The following ARHGAP42 variants were observed in gnomAD, a reference collection of about 807,000 sequenced individuals.
ARHGAP42 encodes Rho GTPase activating protein 42.
In ARHGAP42, 63 loss-of-function variants were observed where a neutral mutation model predicts 125.0. The observed-to-expected ratio is 0.50, with a 90% CI of 0.41 to 0.62. The LOEUF is 0.62. Among genes scored for constraint, ARHGAP42 ranks in the 20% least tolerant of loss-of-function variants. The pLI, the probability that ARHGAP42 is intolerant of heterozygous loss-of-function variation, is 0.00. For missense variants in ARHGAP42, 766 were observed against 1,024.2 expected (o/e 0.75, Z 3.44); for synonymous variants, 339 against 351.0 (o/e 0.97, Z 0.38).
chr11:100,973,239 A>G lies in ARHGAP42; in HGVS notation c.1615A>G (p.Thr539Ala). The change falls in exon 18 of 24, where the codon ACT (threonine) becomes GCT (alanine). Residue 539 changes from threonine to alanine, a missense_variant. Thr to Ala is a moderately conservative substitution (Grantham distance 58). This residue lies in a region of ARHGAP42 where 455 missense variants were observed against 636.5 expected (regional missense o/e 0.71). Transcript: ENST00000298815. Reference protein sequence around the residue: ...VSNLGVIFGPTLMRAQEETVA... With the variant: ...VSNLGVIFGPALMRAQEETVA... ...AAATCTTGGTGTCATATTTGGCCCA[A>G]CTCTAATGAGAGCACAGGAAGAAAC... 6.4e-7 allele frequency: 1 copy of G among 1,551,260 alleles called. No individual in the cohort carries two copies. The highest frequency in any genetic ancestry group is 8.7e-7 in the Non-Finnish European group (1 of 1,146,700).
At chr11:100,694,024 C>T (rs1247214083) in intron 1 of ARHGAP42, among the ~76,000 whole-genome samples, 1 of 151,858 alleles carries the variant, frequency 6.6e-6, no homozygotes, top group African/African-American at 2.4e-5. Context: ...CTCTGCCTCC[C>T]CGGTTCAAGC....
intron 1 of ARHGAP42, among the ~76,000 whole-genome samples, chr11:100,708,300 C>T (rs927631316): frequency 6.6e-5 from 10 of 151,990 alleles, no homozygotes; most frequent in Non-Finnish European, 1.5e-4. Flanking sequence ...TTGTTTGAAC[C>T]CAGGGGTTGG....
chr11:100,883,371 G>A (rs1012048894), intron 4 of ARHGAP42, among the ~76,000 whole-genome samples: 1 of 152,142 alleles, frequency 6.6e-6, no homozygotes, highest in African/African-American at 2.4e-5. Flanking sequence ...ACAGAGTCTT[G>A]CTCTTGTTGC....
intron 3 of ARHGAP42, among the ~76,000 whole-genome samples, chr11:100,801,834 C>A (rs1365047337): frequency 6.6e-6 from 1 of 152,208 alleles, no homozygotes; most frequent in African/African-American, 2.4e-5. Context: ...AGGCAGAGAT[C>A]AGCATTTTAA....
intron 8 of ARHGAP42, among the ~76,000 whole-genome samples, chr11:100,937,109 G>A (rs1867757948): frequency 6.6e-6 from 1 of 152,188 alleles, no homozygotes; most frequent in South Asian, 2.1e-4. Context: ...ATTTGTTGGA[G>A]AGCAGGACAC....
intron 1 of ARHGAP42, among the ~76,000 whole-genome samples, chr11:100,765,650 C>G (rs1862812625): frequency 6.6e-6 from 1 of 152,208 alleles, no homozygotes; most frequent in African/African-American, 2.4e-5. Context: ...ACATGCCTCA[C>G]ACCCCTACTG....
rs142580621 is a variant in ARHGAP42, at chr11:100,957,057, C to G, written c.1163-2826C>G. ...GCACTTACTATATTCTAAGCATACA[C>G]TATTCTAGGAGCTTTGCAAATGTTA... On this transcript the variant is annotated intron_variant, in intron 12 of 23. Transcript: ENST00000298815. Among the ~76,000 whole-genome samples the G allele has an allele frequency of 1.4e-4, 21 of 152,198 alleles. No individual in the cohort carries two copies. In the East Asian group the frequency reaches 2.9e-3, roughly 21 times the overall value.
chr11:100,742,391 G>A (rs1475525709), intron 1 of ARHGAP42, among the ~76,000 whole-genome samples: 4 of 152,164 alleles, frequency 2.6e-5, no homozygotes, highest in African/African-American at 7.2e-5. Context: ...CAGTGCAGGA[G>A]TAGTGTGTGT....
chr11:100,827,920 G>A (rs529382792), intron 3 of ARHGAP42, among the ~76,000 whole-genome samples: 1 of 152,152 alleles, frequency 6.6e-6, no homozygotes, highest in Non-Finnish European at 1.5e-5. Context: ...CAAAACATAG[G>A]TTCTCTCCTT....
At chr11:100,884,443 C>T (rs1195624184) in intron 4 of ARHGAP42, among the ~76,000 whole-genome samples, 2 of 152,020 alleles carry the variant, frequency 1.3e-5, no homozygotes, top group African/African-American at 4.8e-5. Context: ...TGGGGGCGAA[C>T]ACTTAGTAAC....
At chr11:100,788,765 G>A (rs1203375745) in intron 2 of ARHGAP42, among the ~76,000 whole-genome samples, 1 of 152,036 alleles carries the variant, frequency 6.6e-6, no homozygotes, top group Admixed American at 6.5e-5. Context: ...TTGCTGACAT[G>A]GTATTTATTG....
intron 3 of ARHGAP42, among the ~76,000 whole-genome samples, chr11:100,844,981 T>C (rs910066401): frequency 2.0e-5 from 3 of 152,044 alleles, no homozygotes; most frequent in African/African-American, 7.2e-5. Flanking sequence ...AAAAAGATAC[T>C]TGCACACACA....
chr11:100,783,115 T>C (rs1863352970), intron 2 of ARHGAP42, among the ~76,000 whole-genome samples: 1 of 152,154 alleles, frequency 6.6e-6, no homozygotes, highest in Non-Finnish European at 1.5e-5. Context: ...TGGTGTCTCA[T>C]GCAGCCTGTG....
At chr11:100,691,399 A>T (rs776020899) in intron 1 of ARHGAP42, among the ~76,000 whole-genome samples, 1 of 152,204 alleles carries the variant, frequency 6.6e-6, no homozygotes, top group Non-Finnish European at 1.5e-5. Flanking sequence ...ATACTTTTGA[A>T]TTCAAAGAGT....
intron 10 of ARHGAP42, among the ~76,000 whole-genome samples, chr11:100,946,185 T>C (rs956146152): frequency 3.3e-5 from 5 of 152,096 alleles, no homozygotes; most frequent in Admixed American, 3.3e-4. Context: ...TACTCACCTC[T>C]CTCAGCCTTC....
chr11:100,880,993 G>A (rs1053721313), intron 4 of ARHGAP42, among the ~76,000 whole-genome samples: 3 of 151,916 alleles, frequency 2.0e-5, no homozygotes, highest in African/African-American at 7.3e-5. Flanking sequence ...CTGGGCATTA[G>A]TCCTTTGTAT....
At chr11:100,708,283 A>G (rs1436138038) in intron 1 of ARHGAP42, among the ~76,000 whole-genome samples, 1 of 152,182 alleles carries the variant, frequency 6.6e-6, no homozygotes, top group Non-Finnish European at 1.5e-5. Flanking sequence ...AGGTCTAGGT[A>G]GGAGGATTGT....
intron 4 of ARHGAP42, among the ~76,000 whole-genome samples, chr11:100,865,474 A>T (rs79464808): frequency 0.012 from 1,827 of 152,320 alleles, 41 homozygotes; most frequent in African/African-American, 0.041. Flanking sequence ...ATAATAAATT[A>T]TCCAAAATGA....
At chr11:100,754,825 A>G (rs1233083835) in intron 1 of ARHGAP42, among the ~76,000 whole-genome samples, 3 of 152,136 alleles carry the variant, frequency 2.0e-5, no homozygotes, top group African/African-American at 7.2e-5. Flanking sequence ...ATTAAAGTAT[A>G]TTTTTTACTT....
Sources: gnomAD v4.1 joint callset for allele counts (sites outside exome capture counted in the v4.1 genomes callset) on GRCh38, gnomAD v4.1.1 for gene constraint, gnomAD v4.1.1 regional missense constraint, MANE v1.5 for transcripts, NCBI Gene and HGNC (gene_info 2026-07-23, HGNC 2026-07-21) for gene names.